The following PCDHGA12 variants were observed in gnomAD, a reference collection of about 807,000 sequenced individuals.
The protein encoded by PCDHGA12 is protocadherin gamma subfamily A, 12, also known as protocadherin gamma-A12.
Under a neutral mutation model 61.1 loss-of-function variants are expected in PCDHGA12, and 43 were observed. The ratio of observed to expected loss-of-function variants is 0.70; its 90% CI spans 0.55 to 0.91. The LOEUF (loss-of-function observed/expected upper bound fraction) is 0.91, where lower values mean the gene tolerates loss of function less well. Ranked by LOEUF, PCDHGA12 falls within the 40% of genes least tolerant of loss-of-function variation. The pLI, the probability that PCDHGA12 is intolerant of heterozygous loss-of-function variation, is 0.00. For missense variants in PCDHGA12, 1,236 were observed against 1,227.7 expected, an observed-to-expected ratio of 1.01 and a Z score of -0.10; for synonymous variants, 520 against 542.9, an observed-to-expected ratio of 0.96 and a Z score of 0.59.
At chr5:141,472,980 C>CAA (rs60579131) in intron 1 of PCDHGA12, among the ~76,000 whole-genome samples, 188 of 86,094 alleles carry the variant, frequency 2.2e-3, no homozygotes, top group Non-Finnish European at 3.2e-3. Flanking sequence ...GAGTGAAACT[C>CAA]AAAAAAAAAA....
At chr5:141,453,482 A>T (rs979979155) in intron 1 of PCDHGA12, among the ~76,000 whole-genome samples, 1 of 151,990 alleles carries the variant, frequency 6.6e-6, no homozygotes, top group Non-Finnish European at 1.5e-5. Context: ...CAAAACTATT[A>T]AAAAAAGGTG....
intron 1 of PCDHGA12, among the ~76,000 whole-genome samples, chr5:141,471,706 A>G (rs2099262749): frequency 6.6e-6 from 1 of 152,212 alleles, no homozygotes; most frequent in African/African-American, 2.4e-5. Context: ...CTGGAATAGA[A>G]GTGCCACTTA....
At chr5:141,494,099 C>T (rs976610819) in intron 1 of PCDHGA12, among the ~76,000 whole-genome samples, 3 of 152,172 alleles carry the variant, frequency 2.0e-5, no homozygotes, top group South Asian at 2.1e-4. Context: ...CATTTTTCTC[C>T]GTCTCAGACA....
chr5:141,473,374 G>A (rs1437989884), intron 1 of PCDHGA12, among the ~76,000 whole-genome samples: 1 of 152,204 alleles, frequency 6.6e-6, no homozygotes, highest in African/African-American at 2.4e-5. Context: ...AAATAGCATG[G>A]TCCCTGCCCT....
intron 2 of PCDHGA12, among the ~76,000 whole-genome samples, chr5:141,503,568 C>T (rs1357099545): frequency 6.9e-6 from 1 of 144,390 alleles, no homozygotes; most frequent in Non-Finnish European, 1.5e-5. Context: ...CACTGTACTC[C>T]AGCCTGGGTG....
rs778198822 is a variant in PCDHGA12 at position 141,432,802 on chromosome 5, A to G, written c.2043A>G (p.Pro681=). 29 of 1,613,964 alleles carry G rather than the reference A, an allele frequency of 1.8e-5. No individual in the cohort carries two copies. The African/African-American group carries it at 3.6e-4, about 20-fold the overall frequency. The change falls in exon 1 of 4, where the codon CCA becomes CCG. Residue 681 remains proline, a synonymous_variant. Coordinates refer to ENST00000252085, the MANE Select transcript of PCDHGA12 (RefSeq NM_003735.3). This position sits in a 1 kb window ranked among gnomAD's most constrained non-coding sequence, Gnocchi z 6.0. ...VLADLGSLES[P]ANSETSDLTL... ...CGGACCTCGGCAGCCTCGAGTCTCC[A>G]GCTAACTCTGAAACCTCAGACCTCA...
At position 141,486,579 on chromosome 5, in the gene PCDHGA12, G is replaced by A. The variant is rs747583158; in HGVS notation, c.2425-8228G>A. On this transcript the variant is annotated intron_variant, in intron 1 of 3. Coordinates refer to ENST00000252085, the MANE Select transcript of PCDHGA12 (RefSeq NM_003735.3). The surrounding 1 kb of genome is among the most constrained non-coding windows in gnomAD (Gnocchi z 5.0). ...GAGGTGTTTGTTCCTGAGAACAATC[G>A]CCCAGGGGACCTGCTTTGCTCCCTT... is the stretch of plus-strand genomic sequence containing the variant. The A allele has an allele frequency of 5.1e-5, 82 of 1,613,426 alleles. No homozygotes were observed. Among genetic ancestry groups the A allele is most frequent in the South Asian group, 2.2e-4 (20 of 91,084 alleles).
intron 1 of PCDHGA12, among the ~76,000 whole-genome samples, chr5:141,467,017 C>T (rs1036255706): frequency 4.0e-5 from 6 of 151,156 alleles, no homozygotes; most frequent in African/African-American, 1.5e-4. Context: ...AATTTTTTTC[C>T]CTTTGTTTTT....
chr5:141,447,225 C>T (rs966197293), intron 1 of PCDHGA12, among the ~76,000 whole-genome samples: 9 of 151,960 alleles, frequency 5.9e-5, no homozygotes, highest in African/African-American at 7.3e-5. Flanking sequence ...CTGCAACCTC[C>T]GCCTCCCGGG....
At position 141,485,789 on chromosome 5, in the gene PCDHGA12, T is replaced by G. The variant is rs1276069810; in HGVS notation, c.2425-9018T>G. The G allele has an allele frequency of 1.2e-6, 2 of 1,613,978 alleles. No individual in the cohort carries two copies. The highest frequency in any genetic ancestry group is 1.7e-6 in the Non-Finnish European group (2 of 1,180,030). On this transcript the variant is annotated intron_variant, in intron 1 of 3. Coordinates refer to ENST00000252085, the MANE Select transcript of PCDHGA12 (RefSeq NM_003735.3). This position sits in a 1 kb window ranked among gnomAD's most constrained non-coding sequence, Gnocchi z 5.7. ...GAAGCCTTTGGATCGAGAGAAGCAATCGGACTACCGCCTGGTGCTGACTGC... is the reference window on the plus strand; with the variant it reads ...GAAGCCTTTGGATCGAGAGAAGCAAGCGGACTACCGCCTGGTGCTGACTGC...
intron 1 of PCDHGA12, chr5:141,475,814 TC>T: frequency 3.0e-6 from 1 of 338,520 alleles, no homozygotes; most frequent in Non-Finnish European, 5.4e-6. Flanking sequence ...AAAGTGAAGT[TC>T]CTGGCGCTAG....
chr5:141,465,520 G>C (rs2099104807), intron 1 of PCDHGA12, among the ~76,000 whole-genome samples: 1 of 152,144 alleles, frequency 6.6e-6, no homozygotes, highest in Non-Finnish European at 1.5e-5. Flanking sequence ...GAAGGATTCT[G>C]GGGAAGTTTT....
chr5:141,486,391 C>T lies in PCDHGA12; in HGVS notation c.2425-8416C>T. The T allele has an allele frequency of 6.2e-7, 1 of 1,614,112 alleles. No individual in the cohort carries two copies. The highest frequency in any genetic ancestry group is 8.5e-7 in the Non-Finnish European group (1 of 1,179,984). Reference sequence around the variant, plus strand: ...AGTCTGCCTTCAGGAACCAGTTCTCCCTGGTGACTGCTGGACCCTTGGATC... The same window carrying T: ...AGTCTGCCTTCAGGAACCAGTTCTCTCTGGTGACTGCTGGACCCTTGGATC... On this transcript the variant is annotated intron_variant, in intron 1 of 3. Transcript: ENST00000252085. The surrounding 1 kb of genome is among the most constrained non-coding windows in gnomAD (Gnocchi z 5.0).
intron 1 of PCDHGA12, among the ~76,000 whole-genome samples, chr5:141,462,023 A>T (rs927945421): frequency 1.3e-5 from 2 of 152,112 alleles, no homozygotes; most frequent in African/African-American, 4.8e-5. Flanking sequence ...GGGTTTCTTC[A>T]TGTTGGTCAG....
At chr5:141,462,116 C>T (rs535029363) in intron 1 of PCDHGA12, among the ~76,000 whole-genome samples, 3 of 152,152 alleles carry the variant, frequency 2.0e-5, no homozygotes, top group Admixed American at 1.3e-4. Context: ...AGCCACTGCA[C>T]CCAGTCCAAT....
chr5:141,492,911 G>A (rs1008138353), intron 1 of PCDHGA12, among the ~76,000 whole-genome samples: 1 of 152,216 alleles, frequency 6.6e-6, no homozygotes, highest in Admixed American at 6.5e-5. Context: ...TGATCACAAT[G>A]TGCCCAGCGA....
chr5:141,478,428 C>T (rs2154576655), intron 1 of PCDHGA12: 1 of 1,613,746 alleles, frequency 6.2e-7, no homozygotes, highest in Non-Finnish European at 8.5e-7. Flanking sequence ...CGCAGCGACC[C>T]GCTGCTGAAG....
rs781336795 is a variant in PCDHGA12, at chr5:141,477,936, C to T, written c.2425-16871C>T. Reference sequence around the variant, plus strand: ...GATGCAGGGCACAATGCCTGGCTCTCCTACAGTCTCTTGGGATCCCCTAAC... The same window carrying T: ...GATGCAGGGCACAATGCCTGGCTCTTCTACAGTCTCTTGGGATCCCCTAAC... On this transcript the variant is annotated intron_variant, in intron 1 of 3. Transcript: ENST00000252085. This position sits in a 1 kb window ranked among gnomAD's most constrained non-coding sequence, Gnocchi z 4.9. 1.2e-6 allele frequency: 2 copies of T among 1,614,170 alleles called. No homozygotes were observed. The highest frequency in any genetic ancestry group is 1.1e-5 in the South Asian group (1 of 91,088).
At position 141,490,346 on chromosome 5, in the gene PCDHGA12, T is replaced by G. The variant is rs1396321935; in HGVS notation, c.2425-4461T>G. 1.2e-6 allele frequency: 2 copies of G among 1,614,046 alleles called. No individual in the cohort carries two copies. Among genetic ancestry groups the G allele is most frequent in the African/African-American group, 2.7e-5 (2 of 74,900 alleles). ...GAGAGCACACCAGTGGGCACAGTAG[T>G]GGGGTTGTTTAATGTGCGAGACCGG... On this transcript the variant is annotated intron_variant, in intron 1 of 3. Coordinates refer to ENST00000252085, the MANE Select transcript of PCDHGA12 (RefSeq NM_003735.3). This position sits in a 1 kb window ranked among gnomAD's most constrained non-coding sequence, Gnocchi z 5.4.
Sources: gnomAD v4.1 joint callset for allele counts (sites outside exome capture counted in the v4.1 genomes callset) on GRCh38, gnomAD v4.1.1 for gene constraint, Gnocchi (gnomAD v3.1) non-coding constraint, MANE v1.5 for transcripts, NCBI Gene and HGNC (gene_info 2026-07-23, HGNC 2026-07-21) for gene names.